The following KIAA0319 variants were observed in gnomAD, a reference collection of about 807,000 sequenced individuals.
KIAA0319 encodes KIAA0319, also known as dyslexia-associated protein KIAA0319.
KIAA0319 carries 83 observed loss-of-function variants against 108.4 expected under a neutral mutation model. The ratio of observed to expected loss-of-function variants is 0.77; its 90% CI spans 0.64 to 0.92. The LOEUF is 0.92. Ranked by LOEUF, KIAA0319 falls within the 40% of genes least tolerant of loss-of-function variation. The pLI is 0.00. For synonymous variants in KIAA0319, 484 were observed against 510.4 expected, an observed-to-expected ratio of 0.95 and a Z score of 0.70; for missense variants, 1,195 against 1,322.4, an observed-to-expected ratio of 0.90 and a Z score of 1.49.
At chr6:24,592,078 T>C (rs1364961004) in intron 3 of KIAA0319, among the ~76,000 whole-genome samples, 1 of 152,222 alleles carries the variant, frequency 6.6e-6, no homozygotes, top group Non-Finnish European at 1.5e-5. Flanking sequence ...TTTATTGCTA[T>C]GCTTTTGATG....
chr6:24,600,047 G>A (rs898164509), intron 2 of KIAA0319, among the ~76,000 whole-genome samples: 3 of 144,950 alleles, frequency 2.1e-5, no homozygotes, highest in Non-Finnish European at 4.5e-5. Flanking sequence ...AAAAAAAAAG[G>A]AAGATGAGCA....
intron 4 of KIAA0319, among the ~76,000 whole-genome samples, chr6:24,586,307 T>A (rs1367484748): frequency 6.7e-6 from 1 of 148,270 alleles, no homozygotes; most frequent in Non-Finnish European, 1.5e-5. Flanking sequence ...TTGAGCTGTG[T>A]TTTTTGTTTG....
intron 11 of KIAA0319, among the ~76,000 whole-genome samples, chr6:24,570,839 C>G (rs1764624912): frequency 6.6e-6 from 1 of 152,056 alleles, no homozygotes; most frequent in African/African-American, 2.4e-5. Flanking sequence ...GCCTGGTAAA[C>G]AGTAAATATT....
chr6:24,544,911 T>C lies in KIAA0319; in HGVS notation c.*2254A>G, dbSNP rs1361152551. ...CCAGAGATTCAAGATCCTTCTGTGA[T>C]GGAAGGATCAGAGAGGCCAGGCTGA... On this transcript the variant is annotated 3_prime_UTR_variant, in exon 21 of 21. Coordinates refer to ENST00000378214, the MANE Select transcript of KIAA0319 (RefSeq NM_014809.4). The C allele has an allele frequency of 6.6e-6, 1 of 152,154 alleles. No individual in the cohort carries two copies. The highest frequency in any genetic ancestry group is 1.5e-5 in the Non-Finnish European group (1 of 68,048). The allele number at this position is 152,154 out of a possible 1,614,324, so 9.4% of individuals were successfully genotyped here. A position where few individuals can be genotyped will look rare whatever the true frequency, so the allele number is the denominator to read the frequency against.
intron 1 of KIAA0319, among the ~76,000 whole-genome samples, chr6:24,640,062 G>A (rs1776724387): frequency 6.6e-6 from 1 of 152,134 alleles, no homozygotes; most frequent in African/African-American, 2.4e-5. Context: ...TTTTTGTGAG[G>A]AGAAAGGCTG....
chr6:24,613,404 T>C (rs1562069753), intron 1 of KIAA0319, among the ~76,000 whole-genome samples: 1 of 152,192 alleles, frequency 6.6e-6, no homozygotes, highest in Non-Finnish European at 1.5e-5. Flanking sequence ...TATAGTGTTT[T>C]GTCTGGCAAC....
At chr6:24,619,210 G>A (rs1000306745) in intron 1 of KIAA0319, among the ~76,000 whole-genome samples, 1 of 152,180 alleles carries the variant, frequency 6.6e-6, no homozygotes, top group Non-Finnish European at 1.5e-5. Flanking sequence ...AATGTTTCAG[G>A]ATTAGCTCCC....
Position 24,624,017 on chromosome 6 carries a change from C to CTTT in KIAA0319, c.-106+21716_-106+21718dup, listed in dbSNP as rs536970883. ...AAATAATTTTGAATTTCTTTGTTTT[C>CTTT]TTTTTTTTTTTTTTTTTTTTTTTTT... On this transcript the variant is annotated intron_variant, in intron 1 of 20. Transcript: ENST00000378214. 3.9e-3 allele frequency among the ~76,000 whole-genome samples: 196 copies of CTTT among 50,426 alleles called. 20 individuals are homozygous for CTTT. Among genetic ancestry groups the CTTT allele is most frequent in the East Asian group, 6.9e-3 (8 of 1,160 alleles). 33.1% of individuals were successfully genotyped at this position (50,426 alleles called of 152,430 possible). A position where few individuals can be genotyped will look rare whatever the true frequency, so the allele number is the denominator to read the frequency against.
At chr6:24,578,321 T>A in intron 8 of KIAA0319, 79 bp from the exon 9 acceptor site, 2 of 1,008,296 alleles carry the variant, frequency 2.0e-6, no homozygotes, top group Non-Finnish European at 2.9e-6. Flanking sequence ...TTATTGCATA[T>A]TTAAATTCAT....
intron 1 of KIAA0319, among the ~76,000 whole-genome samples, chr6:24,608,541 A>G (rs1267856929): frequency 3.3e-5 from 5 of 152,170 alleles, no homozygotes; most frequent in Non-Finnish European, 5.9e-5. Flanking sequence ...AAAATCATTA[A>G]AAGAGGATGG....
chr6:24,542,413 T>C (rs1760227351), downstream of KIAA0319, among the ~76,000 whole-genome samples: 1 of 152,094 alleles, frequency 6.6e-6, no homozygotes, highest in Non-Finnish European at 1.5e-5. Flanking sequence ...TCCCCATTGG[T>C]TAACTAGGCC....
intron 1 of KIAA0319, among the ~76,000 whole-genome samples, chr6:24,627,327 G>A (rs1774848494): frequency 2.0e-5 from 3 of 152,118 alleles, no homozygotes; most frequent in Admixed American, 6.5e-5. Flanking sequence ...GTCAACAGGT[G>A]GTAATGTGCT....
In KIAA0319 at chr6:24,622,860, G is replaced by A. The variant is rs545679275; in HGVS notation, c.-105-21652C>T. The stretch of plus-strand genomic sequence containing the variant: ...GGAGTTCGAGACCAGCCTGGCCAAC[G>A]AAACCCTGTCTCTACTAAAAATACA... On this transcript the variant is annotated intron_variant, in intron 1 of 20. Coordinates refer to ENST00000378214, the MANE Select transcript of KIAA0319 (RefSeq NM_014809.4). Among the ~76,000 whole-genome samples the A allele has an allele frequency of 6.6e-5, 10 of 152,128 alleles. No homozygotes were observed. In the South Asian group the frequency reaches 1.7e-3, roughly 25 times the overall value.
intron 11 of KIAA0319, among the ~76,000 whole-genome samples, chr6:24,570,908 T>A (rs1166955865): frequency 6.6e-6 from 1 of 152,118 alleles, no homozygotes; most frequent in Non-Finnish European, 1.5e-5. Flanking sequence ...TTGCTGATAT[T>A]GGCAGGGCGT....
intron 1 of KIAA0319, among the ~76,000 whole-genome samples, chr6:24,632,530 C>T (rs976694613): frequency 2.0e-5 from 3 of 152,332 alleles, no homozygotes; most frequent in East Asian, 3.9e-4. Flanking sequence ...TCATGAGGCA[C>T]ACTTCTCCAC....
At chr6:24,636,766 T>G (rs947059132) in intron 1 of KIAA0319, among the ~76,000 whole-genome samples, 1 of 152,228 alleles carries the variant, frequency 6.6e-6, no homozygotes, top group African/African-American at 2.4e-5. Context: ...ATCTTGTTTA[T>G]GCTCTTATTT....
chr6:24,596,820 T>C (rs1769690217), intron 2 of KIAA0319, among the ~76,000 whole-genome samples: 1 of 152,104 alleles, frequency 6.6e-6, no homozygotes, highest in Non-Finnish European at 1.5e-5. Context: ...TCCCACCCAC[T>C]CATTCATCTT....
At chr6:24,633,192 T>A (rs1046330129) in intron 1 of KIAA0319, among the ~76,000 whole-genome samples, 3 of 152,134 alleles carry the variant, frequency 2.0e-5, no homozygotes, top group African/African-American at 7.2e-5. Context: ...GTTAGCAAAG[T>A]TCTCAGAAGC....
At chr6:24,630,730 G>A (rs1775478976) in intron 1 of KIAA0319, among the ~76,000 whole-genome samples, 1 of 146,786 alleles carries the variant, frequency 6.8e-6, no homozygotes, top group Non-Finnish European at 1.5e-5. Context: ...CTTTAGTACA[G>A]CTATCATCTT....
Sources: gnomAD v4.1 joint callset for allele counts (sites outside exome capture counted in the v4.1 genomes callset) on GRCh38, gnomAD v4.1.1 for gene constraint, MANE v1.5 for transcripts, NCBI Gene and HGNC (gene_info 2026-07-23, HGNC 2026-07-21) for gene names.